STARD13: variants seen among roughly 807,000 people sequenced by gnomAD.
The protein encoded by STARD13 is stAR-related lipid transfer protein 13.
In STARD13, 62 loss-of-function variants were observed where a neutral mutation model predicts 106.4. The ratio of observed to expected loss-of-function variants is 0.58; its 90% CI spans 0.48 to 0.72. The LOEUF (loss-of-function observed/expected upper bound fraction) is 0.72. STARD13 is among the 30% of genes least tolerant of loss of function. STARD13 has a pLI of 0.00. For missense variants in STARD13, 1,387 were observed against 1,424.0 expected (o/e 0.97, Z 0.42); for synonymous variants, 565 against 553.0 (o/e 1.02, Z -0.31).
chr13:33,645,565 G>A, the STARD13 span, among the ~76,000 whole-genome samples: 1 of 152,176 alleles, frequency 6.6e-6, no homozygotes, highest in Admixed American at 6.5e-5. Flanking sequence ...TATGAAGTAG[G>A]AAGGAGGGCA....
At chr13:33,114,378 T>C (rs534557827) in intron 8 of STARD13, among the ~76,000 whole-genome samples, 1 of 152,278 alleles carries the variant, frequency 6.6e-6, no homozygotes, top group East Asian at 1.9e-4. Context: ...GACCACACTA[T>C]GGCCCTGATT....
At chr13:33,358,322 AC>A in the STARD13 span, among the ~76,000 whole-genome samples, 1 of 152,166 alleles carries the variant, frequency 6.6e-6, no homozygotes, top group Non-Finnish European at 1.5e-5. Flanking sequence ...CCCCTGCTCC[AC>A]GGTGCCCAGT....
At chr13:33,561,100 G>C in the STARD13 span, among the ~76,000 whole-genome samples, 1 of 151,252 alleles carries the variant, frequency 6.6e-6, no homozygotes, top group South Asian at 2.1e-4. Flanking sequence ...ATTTCTTTTA[G>C]TTTTGTATAA....
At chr13:33,555,962 A>G in the STARD13 span, among the ~76,000 whole-genome samples, 19 of 152,214 alleles carry the variant, frequency 1.2e-4, no homozygotes, top group African/African-American at 4.6e-4. Flanking sequence ...TTTCTTCTTC[A>G]GAAAAATAAA....
the STARD13 span, among the ~76,000 whole-genome samples, chr13:33,362,219 A>T: frequency 1.1e-4 from 16 of 152,130 alleles, no homozygotes; most frequent in Admixed American, 1.0e-3. Flanking sequence ...ATCATGGTGG[A>T]AGGGGAAGGG....
intron 1 of STARD13, among the ~76,000 whole-genome samples, chr13:33,328,975 A>C (rs1384957769): frequency 1.3e-5 from 2 of 152,252 alleles, no homozygotes; most frequent in African/African-American, 4.8e-5. Context: ...GATTCCAGAG[A>C]GCAACTTCAT....
chr13:33,446,191 C>T, the STARD13 span, among the ~76,000 whole-genome samples: 1,127 of 152,240 alleles, frequency 7.4e-3, 5 homozygotes, highest in Middle Eastern at 0.041. Context: ...ACTAAATTCT[C>T]ACTATTCCCT....
chr13:33,658,789 A>G, the STARD13 span, among the ~76,000 whole-genome samples: 8 of 152,228 alleles, frequency 5.3e-5, no homozygotes, highest in African/African-American at 1.9e-4. Context: ...CACCAGAAAG[A>G]CTAAGGCATG....
chr13:33,154,517 A>T (rs954283494), intron 3 of STARD13, among the ~76,000 whole-genome samples: 7 of 152,330 alleles, frequency 4.6e-5, no homozygotes, highest in South Asian at 2.1e-4. Context: ...AAATAAATGT[A>T]AATAAGCTAT....
the STARD13 span, among the ~76,000 whole-genome samples, chr13:33,540,906 T>C: frequency 6.6e-6 from 1 of 152,142 alleles, no homozygotes; most frequent in Non-Finnish European, 1.5e-5. Context: ...CACCCAACAG[T>C]TAACAGGCTG....
At chr13:33,210,665 C>CA (rs1280030880) in intron 1 of STARD13, among the ~76,000 whole-genome samples, 2 of 152,158 alleles carry the variant, frequency 1.3e-5, no homozygotes. Context: ...TGATTAACCA[C>CA]AAATCAAGAA....
the STARD13 span, among the ~76,000 whole-genome samples, chr13:33,644,357 A>G: frequency 0.025 from 3,841 of 152,296 alleles, 155 homozygotes; most frequent in African/African-American, 0.088. Context: ...AGCAAAAGCT[A>G]CCTATAACAG....
chr13:33,620,731 AAAG>A, the STARD13 span, among the ~76,000 whole-genome samples: 5 of 150,952 alleles, frequency 3.3e-5, no homozygotes, highest in African/African-American at 4.8e-5. Context: ...CTAGAAATAA[AAAG>A]AAACAATATA....
intron 1 of STARD13, among the ~76,000 whole-genome samples, chr13:33,309,205 G>A (rs541983263): frequency 6.6e-6 from 1 of 152,192 alleles, no homozygotes; most frequent in South Asian, 2.1e-4. Context: ...AACCTAACAC[G>A]ACAGCTCCAG....
the STARD13 span, among the ~76,000 whole-genome samples, chr13:33,634,721 G>GCACA: frequency 6.8e-6 from 1 of 147,566 alleles, no homozygotes; most frequent in African/African-American, 2.7e-5. Context: ...ACACACACAT[G>GCACA]CACACACACA....
At chr13:33,419,964 C>T in the STARD13 span, among the ~76,000 whole-genome samples, 2 of 152,172 alleles carry the variant, frequency 1.3e-5, no homozygotes, top group Non-Finnish European at 2.9e-5. Flanking sequence ...AAGCACTAAA[C>T]ATGGAAAGGA....
rs138760421 is a variant in STARD13 at position 33,167,665 on chromosome 13, C to T, written c.170-43G>A. Reference sequence around the variant, plus strand: ...GATAAAATTGTGAGTCCCACAGCCGCACCCTAGTACTCTGCCTTCTTAATC... The same window carrying T: ...GATAAAATTGTGAGTCCCACAGCCGTACCCTAGTACTCTGCCTTCTTAATC... On this transcript the variant is annotated intron_variant, in intron 1 of 13. Transcript: ENST00000336934. 1.3e-4 allele frequency: 210 copies of T among 1,557,288 alleles called. 1 individual carries two copies. In the African/African-American group the frequency reaches 2.6e-3, roughly 19 times the overall value.
chr13:33,485,561 A>G, the STARD13 span, among the ~76,000 whole-genome samples: 6 of 152,208 alleles, frequency 3.9e-5, no homozygotes, highest in Admixed American at 6.5e-5. Flanking sequence ...ACATGAAGAT[A>G]TTGTGGAAAT....
chr13:33,209,681 C>T (rs1314646985), intron 1 of STARD13, among the ~76,000 whole-genome samples: 3 of 152,060 alleles, frequency 2.0e-5, no homozygotes, highest in African/African-American at 4.8e-5. Flanking sequence ...ATACAAGAAG[C>T]GGAGTCCAAG....
Sources: gnomAD v4.1 joint callset for allele counts (sites outside exome capture counted in the v4.1 genomes callset) on GRCh38, gnomAD v4.1.1 for gene constraint, MANE v1.5 for transcripts, NCBI Gene and HGNC (gene_info 2026-07-23, HGNC 2026-07-21) for gene names.